The following CDH13 variants were observed in gnomAD, a reference collection of about 807,000 sequenced individuals.
CDH13 encodes the protein cadherin-13.
Under a neutral mutation model 63.8 loss-of-function variants are expected in CDH13, and 24 were observed. That is an observed-to-expected ratio of 0.38 (90% CI 0.27 to 0.53). CDH13 has a LOEUF of 0.53. Ranked by LOEUF, CDH13 falls within the 20% of genes least tolerant of loss-of-function variation. The pLI is 0.85. For synonymous variants in CDH13, 503 were observed against 355.3 expected, an observed-to-expected ratio of 1.42 and a Z score of -4.67; for missense variants, 1,049 against 903.1, an observed-to-expected ratio of 1.16 and a Z score of -2.07.
At chr16:83,481,888 A>G (rs1300639219) in intron 6 of CDH13, among the ~76,000 whole-genome samples, 1 of 152,200 alleles carries the variant, frequency 6.6e-6, no homozygotes, top group Non-Finnish European at 1.5e-5. Flanking sequence ...AGGAAGCTGC[A>G]TGAGCTGGTG....
intron 5 of CDH13, among the ~76,000 whole-genome samples, chr16:83,302,690 A>C (rs190330962): frequency 1.3e-5 from 2 of 152,322 alleles, no homozygotes; most frequent in East Asian, 3.9e-4. Context: ...GAGTGGAGTC[A>C]GATAAGTCAA....
chr16:83,016,038 A>G (rs1031552278), intron 2 of CDH13, among the ~76,000 whole-genome samples: 3 of 152,022 alleles, frequency 2.0e-5, no homozygotes, highest in Admixed American at 6.6e-5. Flanking sequence ...AAAATGAGAT[A>G]CCTTTAACAA....
Position 83,138,975 on chromosome 16 carries a change from C to T in CDH13, c.483+13474C>T, listed in dbSNP as rs151297153. 1.8e-3 allele frequency among the ~76,000 whole-genome samples: 279 copies of T among 152,204 alleles called. 1 individual carries two copies. Among genetic ancestry groups the T allele is most frequent in the African/African-American group, 5.4e-3 (224 of 41,492 alleles). ...CCCTCTTAGCTGGGACATTATGCCTCTATAGGACGCTGAACAAAGTAACCT... is the reference window on the plus strand; with the variant it reads ...CCCTCTTAGCTGGGACATTATGCCTTTATAGGACGCTGAACAAAGTAACCT... On this transcript the variant is annotated intron_variant, in intron 4 of 13. Transcript: ENST00000567109.
intron 5 of CDH13, among the ~76,000 whole-genome samples, chr16:83,261,188 A>G (rs1353076252): frequency 6.6e-6 from 1 of 152,172 alleles, no homozygotes; most frequent in Non-Finnish European, 1.5e-5. Flanking sequence ...GGGGGCGTGC[A>G]TGCGGAGTGG....
chr16:83,086,142 T>C (rs901371475), intron 3 of CDH13, among the ~76,000 whole-genome samples: 2 of 152,186 alleles, frequency 1.3e-5, no homozygotes, highest in African/African-American at 4.8e-5. Flanking sequence ...CAAACTCAGA[T>C]ACCAGGCCAC....
intron 4 of CDH13, among the ~76,000 whole-genome samples, chr16:83,158,908 T>C (rs563807327): frequency 1.2e-3 from 184 of 152,348 alleles, no homozygotes; most frequent in African/African-American, 4.4e-3. Context: ...TTCTTTACTT[T>C]ACTCACTTCC....
chr16:83,496,757 C>G (rs1332885110), intron 7 of CDH13, among the ~76,000 whole-genome samples: 4 of 152,150 alleles, frequency 2.6e-5, no homozygotes, highest in Non-Finnish European at 5.9e-5. Context: ...TCGCAACATA[C>G]TCATCTGACA....
At chr16:83,472,595 C>T (rs369604404) in intron 6 of CDH13, among the ~76,000 whole-genome samples, 2 of 152,152 alleles carry the variant, frequency 1.3e-5, no homozygotes, top group Admixed American at 6.5e-5. Context: ...TCCATTGGCC[C>T]TTGGGGTGTG....
At chr16:83,434,900 A>G (rs2072243110) in intron 6 of CDH13, among the ~76,000 whole-genome samples, 1 of 143,796 alleles carries the variant, frequency 7.0e-6, no homozygotes, top group African/African-American at 2.5e-5. Context: ...TTTAAAATAA[A>G]CCCCTATTTT....
chr16:83,709,666 A>G (rs1425769490), intron 10 of CDH13, among the ~76,000 whole-genome samples: 1 of 152,204 alleles, frequency 6.6e-6, no homozygotes, highest in Non-Finnish European at 1.5e-5. Flanking sequence ...ACCCATTTAT[A>G]TTTGTCCAGA....
chr16:83,217,628 G>C, intron 5 of CDH13, 131 bp downstream of exon 5: 1 of 895,986 alleles, frequency 1.1e-6, no homozygotes, highest in Non-Finnish European at 1.7e-6. Context: ...GTGTTTCTGT[G>C]GGAGCTGAAG....
chr16:83,447,364 G>C (rs1262911672), intron 6 of CDH13, among the ~76,000 whole-genome samples: 2 of 151,838 alleles, frequency 1.3e-5, no homozygotes, highest in Non-Finnish European at 2.9e-5. Flanking sequence ...GCAGCGAGCT[G>C]AGATCACGCC....
chr16:83,190,931 T>A (rs1486850681), intron 4 of CDH13, among the ~76,000 whole-genome samples: 2 of 151,990 alleles, frequency 1.3e-5, no homozygotes, highest in Non-Finnish European at 1.5e-5. Context: ...AAAACGACTC[T>A]CCCGACCATT....
intron 4 of CDH13, among the ~76,000 whole-genome samples, chr16:83,185,743 A>G (rs1185074595): frequency 2.0e-5 from 3 of 152,210 alleles, no homozygotes; most frequent in African/African-American, 7.2e-5. Context: ...ATAAACAGGC[A>G]CTGTTGTTTG....
intron 5 of CDH13, among the ~76,000 whole-genome samples, chr16:83,247,921 T>C (rs749266129): frequency 4.6e-5 from 7 of 152,168 alleles, no homozygotes; most frequent in Non-Finnish European, 1.0e-4. Context: ...ATGTCACCCA[T>C]GTGTTAGAGC....
intron 8 of CDH13, among the ~76,000 whole-genome samples, chr16:83,604,872 A>C (rs1427493722): frequency 2.6e-5 from 4 of 152,198 alleles, no homozygotes; most frequent in Admixed American, 6.5e-5. Flanking sequence ...CCTGTGACTT[A>C]GGAAAAAAAG....
At chr16:83,171,741 T>G (rs1435736955) in intron 4 of CDH13, among the ~76,000 whole-genome samples, 1 of 152,030 alleles carries the variant, frequency 6.6e-6, no homozygotes, top group Non-Finnish European at 1.5e-5. Context: ...AGGCATGGAG[T>G]CCCAAGCTGT....
intron 5 of CDH13, among the ~76,000 whole-genome samples, chr16:83,294,941 G>A (rs1045517568): frequency 1.3e-5 from 2 of 152,098 alleles, no homozygotes; most frequent in Admixed American, 6.6e-5. Flanking sequence ...TGAGCAAAGA[G>A]AACAAAGCTG....
chr16:82,807,220 G>C (rs2037190350), intron 1 of CDH13, among the ~76,000 whole-genome samples: 1 of 151,984 alleles, frequency 6.6e-6, no homozygotes, highest in African/African-American at 2.4e-5. Context: ...AGATTGTTAA[G>C]TAACGTGCTA....
Sources: allele counts gnomAD v4.1 joint callset (sites outside exome capture counted in the v4.1 genomes callset), GRCh38; gene constraint gnomAD v4.1.1; transcripts MANE v1.5; gene names NCBI Gene and HGNC (gene_info 2026-07-23, HGNC 2026-07-21).